Variants in PRP4K observed in about 807,000 individuals in gnomAD.
The protein encoded by PRP4K is serine/threonine-protein kinase PRP4 homolog.
At chr6:4,039,407 C>T in the PRP4K span, among the ~76,000 whole-genome samples, 3 of 152,286 alleles carry the variant, frequency 2.0e-5, no homozygotes, top group Non-Finnish European at 4.4e-5. Flanking sequence ...TGTAAACTTC[C>T]TTATAATCTG....
chr6:4,046,857 C>T, the PRP4K span, among the ~76,000 whole-genome samples: 1 of 151,936 alleles, frequency 6.6e-6, no homozygotes, highest in Non-Finnish European at 1.5e-5. Flanking sequence ...GGGGTTTCGC[C>T]TTGTTGGCCA....
chr6:4,021,476 C>T, the PRP4K span: 226 of 1,578,342 alleles, frequency 1.4e-4, 1 homozygote, highest in East Asian at 4.6e-3. Flanking sequence ...AGTAAGTAGT[C>T]TCTGTGAGTG....
the PRP4K span, chr6:4,057,236 G>A: frequency 5.7e-6 from 9 of 1,568,258 alleles, no homozygotes; most frequent in East Asian, 1.8e-4. Flanking sequence ...CTTATTAACT[G>A]ACAAGACTGC....
chr6:4,047,585 T>C, the PRP4K span, among the ~76,000 whole-genome samples: 1 of 152,168 alleles, frequency 6.6e-6, no homozygotes, highest in African/African-American at 2.4e-5. Flanking sequence ...TAGGTCTTTA[T>C]TAGAATAGAC....
chr6:4,043,826 T>C, the PRP4K span: 5 of 1,614,130 alleles, frequency 3.1e-6, no homozygotes, highest in Non-Finnish European at 4.2e-6. Flanking sequence ...TATAAATACC[T>C]TGCTGAAGAT....
the PRP4K span, among the ~76,000 whole-genome samples, chr6:4,057,816 G>A: frequency 1.4e-5 from 2 of 144,764 alleles, no homozygotes; most frequent in African/African-American, 2.5e-5. Flanking sequence ...GTGCAGTGGC[G>A]CGATCTCAGC....
At chr6:4,055,423 G>A in the PRP4K span, among the ~76,000 whole-genome samples, 1 of 152,148 alleles carries the variant, frequency 6.6e-6, no homozygotes, top group Non-Finnish European at 1.5e-5. Flanking sequence ...GCTTAACTCT[G>A]GATATCATTT....
chr6:4,048,644 C>T, the PRP4K span, among the ~76,000 whole-genome samples: 3 of 151,904 alleles, frequency 2.0e-5, no homozygotes, highest in South Asian at 2.1e-4. Flanking sequence ...CATGGCTCAC[C>T]GCAGCCTTGA....
chr6:4,063,909 T>A, the PRP4K span: 2 of 152,120 alleles, frequency 1.3e-5, no homozygotes, highest in African/African-American at 4.8e-5. Flanking sequence ...TGATATCAAG[T>A]GATTGTCAGA....
At chr6:4,042,420 T>C in the PRP4K span, 1 of 1,263,996 alleles carries the variant, frequency 7.9e-7, no homozygotes. Context: ...TTTCCTGCCT[T>C]TAACTTTAAA....
the PRP4K span, chr6:4,040,839 A>G: frequency 6.2e-7 from 1 of 1,614,008 alleles, no homozygotes; most frequent in Non-Finnish European, 8.5e-7. Context: ...TCGTAGACGA[A>G]GGAGCAGAAG....
the PRP4K span, chr6:4,049,950 T>G: frequency 6.7e-7 from 1 of 1,484,326 alleles, no homozygotes; most frequent in African/African-American, 1.4e-5. Context: ...TTTAAACTAT[T>G]TTTTTAAAGT....
the PRP4K span, among the ~76,000 whole-genome samples, chr6:4,023,670 G>T: frequency 6.6e-6 from 1 of 152,118 alleles, no homozygotes; most frequent in Non-Finnish European, 1.5e-5. Flanking sequence ...AGACTAGTTG[G>T]TCTTTTGGAC....
the PRP4K span, chr6:4,048,967 A>T: frequency 7.2e-7 from 1 of 1,383,920 alleles, no homozygotes. Flanking sequence ...GAAGTGCGTT[A>T]AATGTCTGAC....
the PRP4K span, among the ~76,000 whole-genome samples, chr6:4,038,833 G>A: frequency 9.9e-5 from 15 of 151,538 alleles, no homozygotes; most frequent in South Asian, 3.1e-3. Flanking sequence ...GCCTCGGTAT[G>A]TAGATCTTTA....
At chr6:4,058,113 C>G in the PRP4K span, among the ~76,000 whole-genome samples, 1 of 152,150 alleles carries the variant, frequency 6.6e-6, no homozygotes, top group Admixed American at 6.5e-5. Context: ...TGGGCTCAAG[C>G]AGTTCTCCTG....
the PRP4K span, among the ~76,000 whole-genome samples, chr6:4,046,859 T>C: frequency 6.6e-6 from 1 of 152,026 alleles, no homozygotes; most frequent in Non-Finnish European, 1.5e-5. Context: ...GGTTTCGCCT[T>C]GTTGGCCAGG....
chr6:4,057,272 T>A, the PRP4K span: 1 of 1,396,982 alleles, frequency 7.2e-7, no homozygotes, highest in Non-Finnish European at 9.8e-7. Flanking sequence ...ACTAGTGAGC[T>A]ATAAAACAAA....
the PRP4K span, chr6:4,058,811 G>A: frequency 6.2e-7 from 1 of 1,603,528 alleles, no homozygotes. Flanking sequence ...AAGTAACAGA[G>A]AGGGTAAGTG....
Sources: allele counts gnomAD v4.1 joint callset (sites outside exome capture counted in the v4.1 genomes callset), GRCh38; gene constraint gnomAD v4.1.1; transcripts MANE v1.5; gene names NCBI Gene and HGNC (gene_info 2026-07-23, HGNC 2026-07-21).